The following MRPL34 variants were observed in gnomAD, a reference collection of about 807,000 sequenced individuals.
MRPL34 encodes mitochondrial ribosomal protein L34.
In MRPL34, 8 loss-of-function variants were observed where a neutral mutation model predicts 6.7. The observed-to-expected ratio is 1.20, with a 90% CI of 0.70 to 2.16. The LOEUF (loss-of-function observed/expected upper bound fraction) is 2.16. Among genes scored for constraint, MRPL34 ranks in the 30% most tolerant of loss-of-function variants. MRPL34 has a pLI of 0.00. For missense variants in MRPL34, 146 were observed against 125.5 expected, an observed-to-expected ratio of 1.16 and a Z score of -0.78; for synonymous variants, 59 against 55.1, an observed-to-expected ratio of 1.07 and a Z score of -0.31.
chr19:17,300,635 G>T (rs144903901), upstream of MRPL34, among the ~76,000 whole-genome samples: 1 of 152,118 alleles, frequency 6.6e-6, no homozygotes, highest in East Asian at 1.9e-4. Context: ...GTGCCACCAC[G>T]TCTGGCTAAT....
chr19:17,301,092 G>C (rs536054282), upstream of MRPL34: 1 of 1,613,440 alleles, frequency 6.2e-7, no homozygotes, highest in Admixed American at 1.7e-5. Context: ...AGAGCACCAC[G>C]TCGGCCTGGG....
chr19:17,304,711 G>C (rs1281193965), upstream of MRPL34, among the ~76,000 whole-genome samples: 1 of 152,196 alleles, frequency 6.6e-6, no homozygotes, highest in Non-Finnish European at 1.5e-5. Context: ...GGCCCTTGAG[G>C]AGCCCTTGAA....
chr19:17,292,736 G>A (rs757021459), exon 1 of MRPL34: 2 of 1,613,832 alleles, frequency 1.2e-6, no homozygotes. Flanking sequence ...CCCAGAGCAG[G>A]AATTCGTGGA....
At chr19:17,292,706 C>T (rs758423109) in exon 1 of MRPL34, 10 of 1,613,268 alleles carry the variant, frequency 6.2e-6, no homozygotes, top group Admixed American at 1.7e-5. Context: ...CCGGTAGAGC[C>T]TTGGGCGAGG....
At chr19:17,301,123 C>A (rs775912056), upstream of MRPL34, 2 of 1,613,034 alleles carry the variant, frequency 1.2e-6, no homozygotes, top group East Asian at 4.5e-5. Context: ...GCTAGTGATG[C>A]GCTTCTCACA....
chr19:17,301,250 C>G (rs750143429), upstream of MRPL34: 3 of 1,597,760 alleles, frequency 1.9e-6, no homozygotes, highest in South Asian at 1.1e-5. Flanking sequence ...CCCGCCGGAT[C>G]TGCCAGCTCC....
chr19:17,294,229 C>T (rs2074083257), intron 1 of MRPL34: 12 of 1,561,020 alleles, frequency 7.7e-6, no homozygotes, highest in Admixed American at 1.7e-5. Context: ...GAGGCCACGC[C>T]CCTCCCGGGC....
In MRPL34 at chr19:17,306,338, C is replaced by G. The variant is rs1174961148; in HGVS notation, c.238C>G (p.Leu80Val). The G allele has an allele frequency of 1.7e-5, 28 of 1,609,404 alleles. No homozygotes were observed. The highest frequency in any genetic ancestry group is 2.2e-5 in the Non-Finnish European group (26 of 1,179,010). The change falls in exon 2 of 2, where the codon CTT becomes GTT. Residue 80 changes from leucine to valine, a missense_variant. Transcript: ENST00000252602. ...CACGCCGGCCGGCGTGCAGGTCATC[C>G]TTCGCCGAATGCTCAAGGGCCGCAA... ...LSTPAGVQVI[L>V]RRMLKGRKSL...
At chr19:17,301,142 G>A, upstream of MRPL34, 1 of 1,612,538 alleles carries the variant, frequency 6.2e-7, no homozygotes, top group Non-Finnish European at 8.5e-7. Context: ...CAGTCAATAT[G>A]GATGGTCCTC....
In MRPL34 at chr19:17,306,422, C is replaced by T. The variant is rs1172931853; in HGVS notation, c.*43C>T. 1 of 1,507,144 alleles carries T rather than the reference C, an allele frequency of 6.6e-7. No homozygotes were observed. The allele number at this position is 1,507,144 out of a possible 1,614,324, so 93.4% of individuals were successfully genotyped here. Reference sequence around the variant, plus strand: ...GCGGGACCCTCATGGAAGCATCGCCCTCGCCTCGGACCTTGCCTGGCGCTA... The same window carrying T: ...GCGGGACCCTCATGGAAGCATCGCCTTCGCCTCGGACCTTGCCTGGCGCTA... On this transcript the variant is annotated 3_prime_UTR_variant, in exon 2 of 2. Coordinates refer to ENST00000252602, the MANE Select transcript of MRPL34 (RefSeq NM_023937.4).
At position 17,293,126 on chromosome 19, in the gene MRPL34, T is replaced by C. The variant is rs149276753; in HGVS notation, c.214+272T>C. On this transcript the variant is annotated intron_variant, in intron 1 of 2. Coordinates refer to the MRPL34 transcript ENST00000595444. The stretch of plus-strand genomic sequence containing the variant: ...TTTTTTTTTTTTTGAGACAGAGTCT[T>C]GCTCTGTCACCCAGGCTGGAGTGCA... Among the ~76,000 whole-genome samples the C allele has an allele frequency of 4.4e-3, 663 of 150,130 alleles. 2 individuals are homozygous for C. Among genetic ancestry groups the C allele is most frequent in the Middle Eastern group, 0.028 (8 of 290 alleles).
At chr19:17,305,728 G>C (rs955688341), upstream of MRPL34, 2 of 726,462 alleles carry the variant, frequency 2.8e-6, no homozygotes, top group South Asian at 1.5e-5. Flanking sequence ...AGACTGGCGC[G>C]CCTCTGTTGC....
chr19:17,301,739 C>T (rs1367012363), upstream of MRPL34: 7 of 1,257,752 alleles, frequency 5.6e-6, no homozygotes, highest in East Asian at 1.4e-4. Flanking sequence ...TTGGGGAGCG[C>T]CAGATCAAGT....
upstream of MRPL34, chr19:17,292,594 T>C (rs540994355): frequency 1.0e-4 from 150 of 1,494,158 alleles, no homozygotes; most frequent in African/African-American, 1.9e-3. Context: ...GCTGCAGACC[T>C]GGCGCAGGCT....
At chr19:17,306,018 G>C in intron 1 of MRPL34, 61 bp downstream of exon 1, 1 of 1,596,354 alleles carries the variant, frequency 6.3e-7, no homozygotes, top group South Asian at 1.1e-5. Context: ...GGAGGCTGGC[G>C]CCACTCTTCA....
chr19:17,295,231 G>A (rs533376396), intron 1 of MRPL34, among the ~76,000 whole-genome samples: 2 of 148,898 alleles, frequency 1.3e-5, no homozygotes, highest in African/African-American at 5.0e-5. Flanking sequence ...TCAGCCTCCC[G>A]AGTAGCTGGG....
chr19:17,301,642 A>C (rs371431966), upstream of MRPL34: 141 of 1,519,484 alleles, frequency 9.3e-5, no homozygotes, highest in Non-Finnish European at 1.2e-4. Context: ...TGAGGACAGC[A>C]GCCAGTTCAG....
At chr19:17,299,243 C>CA (rs1375616961), upstream of MRPL34, among the ~76,000 whole-genome samples, 6 of 148,644 alleles carry the variant, frequency 4.0e-5, no homozygotes, top group Non-Finnish European at 8.9e-5. Flanking sequence ...GACCCCCCCC[C>CA]CATTCTCTAT....
chr19:17,294,862 G>A, intron 1 of MRPL34: 2 of 1,609,790 alleles, frequency 1.2e-6, no homozygotes, highest in African/African-American at 2.7e-5. Context: ...GGAACGGGTG[G>A]GGTGATAGGA....
Sources: gnomAD v4.1 joint callset for allele counts (sites outside exome capture counted in the v4.1 genomes callset) on GRCh38, gnomAD v4.1.1 for gene constraint, MANE v1.5 for transcripts, NCBI Gene and HGNC (gene_info 2026-07-23, HGNC 2026-07-21) for gene names.